Variants in CABIN1 observed in about 807,000 individuals in gnomAD.
CABIN1 encodes calcineurin-binding protein cabin-1.
CABIN1 carries 133 observed loss-of-function variants against 227.7 expected under a neutral mutation model. The ratio of observed to expected loss-of-function variants is 0.58; its 90% CI spans 0.51 to 0.67. The LOEUF (loss-of-function observed/expected upper bound fraction) is 0.67. CABIN1 is among the 30% of genes least tolerant of loss of function. The probability of loss-of-function intolerance (pLI) is 0.00; values close to 1 mark genes in which losing one functional copy is unlikely to be tolerated. For missense variants in CABIN1, 2,408 were observed against 2,852.5 expected (o/e 0.84, Z 3.55); for synonymous variants, 1,086 against 1,155.1 (o/e 0.94, Z 1.21).
At chr22:24,128,891 A>G (rs1335869555) in intron 28 of CABIN1, among the ~76,000 whole-genome samples, 1 of 152,250 alleles carries the variant, frequency 6.6e-6, no homozygotes, top group Non-Finnish European at 1.5e-5. Context: ...TAGGAGTTGT[A>G]GAGCCTGACC....
chr22:24,129,596 T>C (rs1248394363), intron 28 of CABIN1, among the ~76,000 whole-genome samples: 3 of 152,242 alleles, frequency 2.0e-5, no homozygotes, highest in Non-Finnish European at 4.4e-5. Context: ...TTCTGTGAGC[T>C]TCAAACTAGA....
chr22:24,144,198 G>T (rs2044963358), intron 29 of CABIN1, among the ~76,000 whole-genome samples: 1 of 152,242 alleles, frequency 6.6e-6, no homozygotes, highest in Admixed American at 6.5e-5. Context: ...CAGCCACTAT[G>T]TCGTTGGAAA....
At chr22:24,148,665 T>G (rs2267064) in intron 29 of CABIN1, among the ~76,000 whole-genome samples, 43,668 of 152,216 alleles carry the variant, frequency 0.29, 7,861 homozygotes, top group African/African-American at 0.51. Context: ...AGTTGGATGA[T>G]ATCAGTGGTT....
chr22:24,172,779 C>T (rs908502241), intron 34 of CABIN1, among the ~76,000 whole-genome samples: 1 of 152,184 alleles, frequency 6.6e-6, no homozygotes, highest in Non-Finnish European at 1.5e-5. Context: ...GCACCATCCC[C>T]CTCGCTGGTC....
chr22:24,177,444 T>G lies in CABIN1; in HGVS notation c.6206-60T>G. On this transcript the variant is annotated intron_variant, in intron 35 of 36. Coordinates refer to ENST00000263119, the MANE Select transcript of CABIN1 (RefSeq NM_012295.4). The surrounding 1 kb of genome is among the most constrained non-coding windows in gnomAD (Gnocchi z 4.4). ...CTGGGGGGAGCGGGTGGGGGCGAGA[T>G]AAAGTGCTCACTGTGTGATGCGGCA... 1.4e-6 allele frequency: 2 copies of G among 1,401,910 alleles called. No individual in the cohort carries two copies. The highest frequency in any genetic ancestry group is 2.8e-5 in the South Asian group (2 of 71,364). The allele number at this position is 1,401,910 out of a possible 1,614,324, so 86.8% of individuals were successfully genotyped here.
Position 24,013,286 on chromosome 22 carries a change from G to C in CABIN1, c.-75+1919G>C, listed in dbSNP as rs927942124. ...ATCTCGCCTCACTGCAAGCTCCGCC[G>C]CCTGGGTTCACGCCATTCTCCTGCC... On this transcript the variant is annotated intron_variant, in intron 1 of 36. Transcript: ENST00000263119. Among the ~76,000 whole-genome samples the C allele has an allele frequency of 2.3e-5, 3 of 130,380 alleles. No individual in the cohort carries two copies. The East Asian group carries it at 7.7e-4, about 33-fold the overall frequency. 85.5% of individuals were successfully genotyped at this position (130,380 alleles called of 152,430 possible). A position where few individuals can be genotyped will look rare whatever the true frequency, so the allele number is the denominator to read the frequency against.
intron 8 of CABIN1, among the ~76,000 whole-genome samples, chr22:24,053,996 G>A (rs557314143): frequency 1.2e-3 from 190 of 152,262 alleles, no homozygotes; most frequent in Non-Finnish European, 1.8e-3. Context: ...GGGAGGGGAC[G>A]TTGCATCTGG....
At chr22:24,021,921 G>A (rs1050474332) in intron 1 of CABIN1, among the ~76,000 whole-genome samples, 1 of 151,974 alleles carries the variant, frequency 6.6e-6, no homozygotes, top group Non-Finnish European at 1.5e-5. Context: ...CCGACCTCAG[G>A]TGATCTACCC....
In CABIN1 at chr22:24,178,580, C is replaced by T. The variant is rs2047242370; in HGVS notation, c.*384C>T. On this transcript the variant is annotated 3_prime_UTR_variant, in exon 37 of 37. Coordinates refer to ENST00000263119, the MANE Select transcript of CABIN1 (RefSeq NM_012295.4). ...TGGAGGGGTCCTTTAGGGCCAGGCT[C>T]ACCCCTCACCCTTTTTTTGGTTGCT... 2 of 301,062 alleles carry T rather than the reference C, an allele frequency of 6.6e-6. No homozygotes were observed. The highest frequency in any genetic ancestry group is 1.3e-5 in the Non-Finnish European group (2 of 155,186). 18.6% of individuals were successfully genotyped at this position (301,062 alleles called of 1,614,324 possible). A position where few individuals can be genotyped will look rare whatever the true frequency, so the allele number is the denominator to read the frequency against.
At chr22:24,102,697 A>T (rs1178251506) in intron 26 of CABIN1, among the ~76,000 whole-genome samples, 1 of 151,956 alleles carries the variant, frequency 6.6e-6, no homozygotes, top group East Asian at 1.9e-4. Context: ...GTTTCTCTTG[A>T]GGGGTTGGGG....
chr22:24,037,275 A>G lies in CABIN1; in HGVS notation c.97-1073A>G, dbSNP rs966072056. 8.0e-4 allele frequency among the ~76,000 whole-genome samples: 122 copies of G among 151,628 alleles called. 2 individuals carry two copies. Among genetic ancestry groups the G allele is most frequent in the Admixed American group, 3.3e-4 (5 of 15,268 alleles). On this transcript the variant is annotated intron_variant, in intron 3 of 36. Coordinates refer to ENST00000263119, the MANE Select transcript of CABIN1 (RefSeq NM_012295.4). The stretch of plus-strand genomic sequence containing the variant: ...ACCCCGTCTCAAAAAAAAAAAAAAA[A>G]AAAGAAAAGAAAACAATGGAAACCA...
intron 9 of CABIN1, among the ~76,000 whole-genome samples, chr22:24,055,669 TTC>T (rs2038738236): frequency 6.6e-6 from 1 of 152,250 alleles, no homozygotes; most frequent in African/African-American, 2.4e-5. Flanking sequence ...TTTTCTTGAT[TTC>T]TGTGTCACTG....
rs946321443 is a variant in CABIN1, at chr22:24,031,521, A to G, written c.-74-3923A>G. ...TTTTCCTTCTTACAACCCCAGGTCT[A>G]GGTAGGACAGCTGATTTTTACAGTA... On this transcript the variant is annotated intron_variant, in intron 1 of 36. Transcript: ENST00000263119. Among the ~76,000 whole-genome samples the G allele has an allele frequency of 2.6e-5, 4 of 152,196 alleles. No homozygotes were observed. The South Asian group carries it at 6.2e-4, about 24-fold the overall frequency.
chr22:24,055,172 C>T lies in CABIN1; in HGVS notation c.1093+13C>T, dbSNP rs1019595277. The T allele has an allele frequency of 6.2e-7, 1 of 1,607,544 alleles. No individual in the cohort carries two copies. The highest frequency in any genetic ancestry group is 8.5e-7 in the Non-Finnish European group (1 of 1,179,986). On this transcript the variant is annotated intron_variant, in intron 9 of 36. Transcript: ENST00000263119. ...GGCGCTCCTGTGGGTAAGCAGGCCC[C>T]CTGAATTTGGCTTCCGGGGAGACCC...
chr22:24,103,392 TA>T (rs1239597489), intron 26 of CABIN1: 3 of 152,138 alleles, frequency 2.0e-5, no homozygotes, highest in Non-Finnish European at 4.4e-5. Flanking sequence ...GACAAAGGTG[TA>T]AAAATGCAAA....
At chr22:24,132,899 TTGAAAGTAAAC>T (rs1263864430) in intron 28 of CABIN1, among the ~76,000 whole-genome samples, 13 of 152,166 alleles carry the variant, frequency 8.5e-5, no homozygotes, top group Admixed American at 8.5e-4. Flanking sequence ...CTGGGGACAC[TTGAAAGTAAAC>T]TACAGGTTGT....
rs186819927 is a variant in CABIN1 at position 24,142,606 on chromosome 22, T to C, written c.4746+8191T>C. 2.9e-3 allele frequency among the ~76,000 whole-genome samples: 445 copies of C among 152,174 alleles called. 2 individuals carry two copies. Among genetic ancestry groups the C allele is most frequent in the Middle Eastern group, 6.8e-3 (2 of 294 alleles). On this transcript the variant is annotated intron_variant, in intron 29 of 36. Transcript: ENST00000263119. Reference sequence around the variant, plus strand: ...AGAGGTACCTTCCCTGGTGGGCCTGTGGTCAGCCCCTGCCCCCAGGCGCCA... The same window carrying C: ...AGAGGTACCTTCCCTGGTGGGCCTGCGGTCAGCCCCTGCCCCCAGGCGCCA...
At chr22:24,145,064 C>T (rs1436633651) in intron 29 of CABIN1, among the ~76,000 whole-genome samples, 1 of 152,224 alleles carries the variant, frequency 6.6e-6, no homozygotes, top group East Asian at 1.9e-4. Context: ...GCATGAGGCA[C>T]AGTGTGGGGC....
chr22:24,176,361 T>C (rs994152375), intron 35 of CABIN1, 86 bp downstream of exon 35: 270 of 1,438,298 alleles, frequency 1.9e-4, no homozygotes, highest in Non-Finnish European at 2.5e-4. Context: ...CGGCCTGGCC[T>C]TGAAGGGCAG....
Sources: allele counts gnomAD v4.1 joint callset (sites outside exome capture counted in the v4.1 genomes callset), GRCh38; gene constraint gnomAD v4.1.1; non-coding constraint Gnocchi (gnomAD v3.1); transcripts MANE v1.5; gene names NCBI Gene and HGNC (gene_info 2026-07-23, HGNC 2026-07-21).